Variants in OSBPL3 observed in about 807,000 individuals in gnomAD.
OSBPL3 encodes the protein oxysterol binding protein like 3.
A neutral mutation model predicts 120.1 loss-of-function variants in OSBPL3; 65 were observed. The observed-to-expected ratio is 0.54, with a 90% CI of 0.44 to 0.67. OSBPL3 has a LOEUF of 0.67. Among genes scored for constraint, OSBPL3 ranks in the 30% least tolerant of loss-of-function variants. The pLI is 0.00. For synonymous variants in OSBPL3, 416 were observed against 402.6 expected (o/e 1.03, Z -0.40); for missense variants, 1,004 against 1,082.1 (o/e 0.93, Z 1.01).
chr7:24,880,384 T>C (rs1024456), intron 2 of OSBPL3, among the ~76,000 whole-genome samples: 12,886 of 152,116 alleles, frequency 0.085, 824 homozygotes, highest in East Asian at 0.31. Context: ...CAGGGCCACC[T>C]ACTGACCCTC....
Position 24,815,908 on chromosome 7 carries a change from G to C in OSBPL3, c.2027+702C>G, listed in dbSNP as rs527846396. Among the ~76,000 whole-genome samples, 6 of 152,312 alleles carry C rather than the reference G, an allele frequency of 3.9e-5. No individual in the cohort carries two copies. In the South Asian group the frequency reaches 1.2e-3, roughly 32 times the overall value. On this transcript the variant is annotated intron_variant, in intron 18 of 22. Transcript: ENST00000313367. The surrounding 1 kb of genome is among the most constrained non-coding windows in gnomAD (Gnocchi z 5.1). Reference sequence around the variant, plus strand: ...TGAATCTCGGCAGTCCAGTTTCAGAGTCCCTGCTCAGAAGCATCTTGCTTT... The same window carrying C: ...TGAATCTCGGCAGTCCAGTTTCAGACTCCCTGCTCAGAAGCATCTTGCTTT...
rs374102664 is a variant in OSBPL3, at chr7:24,820,224, C to T, written c.1899G>A (p.Pro633=). 6.2e-6 allele frequency: 10 copies of T among 1,611,794 alleles called. No homozygotes were observed. Among genetic ancestry groups the T allele is most frequent in the Middle Eastern group, 1.6e-4 (1 of 6,082 alleles). Residue 633 remains proline, a synonymous_variant, in exon 17 of 23, where the codon CCG becomes CCA. Transcript: ENST00000313367. This position sits in a 1 kb window ranked among gnomAD's most constrained non-coding sequence, Gnocchi z 4.6. ...ACTCAGCATGACACGCAGAGATAGG[C>T]GGATGGTGGCTGACCTGATGGAAAC... ...QFFSEQVSHH[P]PISACHAESR...
At chr7:24,850,389 C>G (rs1798998053) in intron 11 of OSBPL3, among the ~76,000 whole-genome samples, 1 of 152,198 alleles carries the variant, frequency 6.6e-6, no homozygotes, top group South Asian at 2.1e-4. Context: ...ACGATCAGCT[C>G]CACGGGTGCT....
intron 19 of OSBPL3, among the ~76,000 whole-genome samples, chr7:24,811,052 G>T (rs1219227774): frequency 2.0e-5 from 3 of 152,214 alleles, no homozygotes; most frequent in Admixed American, 2.0e-4. Flanking sequence ...CCAGTAGTGG[G>T]ATTGGCAGAT....
chr7:24,807,575 CT>C (rs1193701857), intron 20 of OSBPL3, among the ~76,000 whole-genome samples: 1 of 152,084 alleles, frequency 6.6e-6, no homozygotes, highest in East Asian at 1.9e-4. Context: ...CTGATTCTCA[CT>C]CTAGAGAATC....
Position 24,940,545 on chromosome 7 carries a change from A to G in OSBPL3, c.-150+39341T>C, listed in dbSNP as rs1812958767. ...GTGAGAGAAAGCAGATGGGAAAGACAGGGGCCGTGATGGAGGAAAGGGTAT... is the reference window on the plus strand; with the variant it reads ...GTGAGAGAAAGCAGATGGGAAAGACGGGGGCCGTGATGGAGGAAAGGGTAT... On this transcript the variant is annotated intron_variant, in intron 1 of 22. Coordinates refer to ENST00000313367, the MANE Select transcript of OSBPL3 (RefSeq NM_015550.4). The surrounding 1 kb of genome is among the most constrained non-coding windows in gnomAD (Gnocchi z 4.4). 6.6e-6 allele frequency among the ~76,000 whole-genome samples: 1 copy of G among 152,164 alleles called. No individual in the cohort carries two copies. The highest frequency in any genetic ancestry group is 2.4e-5 in the African/African-American group (1 of 41,446).
In OSBPL3 at chr7:24,953,575, G is replaced by T. The variant is rs893175059; in HGVS notation, c.-150+26311C>A. ...AATAGATCATCAGAAAAAGAATTAG[G>T]CACATTAGGAAGCAGTCAGATTGTA... On this transcript the variant is annotated intron_variant, in intron 1 of 22. Transcript: ENST00000313367. This position sits in a 1 kb window ranked among gnomAD's most constrained non-coding sequence, Gnocchi z 4.3. 1.3e-5 allele frequency among the ~76,000 whole-genome samples: 2 copies of T among 152,076 alleles called. No homozygotes were observed. The highest frequency in any genetic ancestry group is 4.8e-5 in the African/African-American group (2 of 41,380).
At chr7:24,807,416 C>T (rs143251675) in intron 20 of OSBPL3, among the ~76,000 whole-genome samples, 2,210 of 152,194 alleles carry the variant, frequency 0.015, 23 homozygotes, top group Middle Eastern at 0.044. Flanking sequence ...TGACTTGAAC[C>T]TGGGAGGCGG....
At chr7:24,911,322 T>C (rs1004573149) in intron 1 of OSBPL3, among the ~76,000 whole-genome samples, 1 of 152,212 alleles carries the variant, frequency 6.6e-6, no homozygotes, top group Non-Finnish European at 1.5e-5. Context: ...GGAAGCTTGG[T>C]AGAGTTTTAA....
rs1234392994 is a variant in OSBPL3 at position 24,900,989 on chromosome 7, C to A, written c.-149-8368G>T. On this transcript the variant is annotated intron_variant, in intron 1 of 22. Transcript: ENST00000313367. This position sits in a 1 kb window ranked among gnomAD's most constrained non-coding sequence, Gnocchi z 4.5. ...TGAGCTGAGGTTTTGCCACTGCACT[C>A]CAGCCTGGGCTACAGAGCCAGACCT... Among the ~76,000 whole-genome samples, 1 of 150,174 alleles carries A rather than the reference C, an allele frequency of 6.7e-6. No individual in the cohort carries two copies.
In OSBPL3 at chr7:24,804,960, C is replaced by T. The variant is rs375456930; in HGVS notation, c.2445-523G>A. ...TTAATAGCCACATAATATCCAGTTG[C>T]GTGGATGTATATGAATTTAGACAAT... On this transcript the variant is annotated intron_variant, in intron 21 of 22. Coordinates refer to ENST00000313367, the MANE Select transcript of OSBPL3 (RefSeq NM_015550.4). This position sits in a 1 kb window ranked among gnomAD's most constrained non-coding sequence, Gnocchi z 5.4. 3.9e-5 allele frequency among the ~76,000 whole-genome samples: 6 copies of T among 152,094 alleles called. No homozygotes were observed. The highest frequency in any genetic ancestry group is 9.7e-5 in the African/African-American group (4 of 41,412).
intron 1 of OSBPL3, among the ~76,000 whole-genome samples, chr7:24,977,685 T>C (rs933266078): frequency 2.0e-5 from 3 of 152,020 alleles, no homozygotes; most frequent in Non-Finnish European, 2.9e-5. Flanking sequence ...TGAAACCCCG[T>C]CTCTACTAAA....
intron 1 of OSBPL3, among the ~76,000 whole-genome samples, chr7:24,927,557 T>C (rs544229121): frequency 2.0e-5 from 3 of 152,336 alleles, no homozygotes; most frequent in Admixed American, 6.5e-5. Flanking sequence ...GATTACTGCT[T>C]AAGTTGGCAA....
At position 24,815,099 on chromosome 7, in the gene OSBPL3, A is replaced by G. The variant is rs1417985181; in HGVS notation, c.2132T>C (p.Leu711Pro). 6.2e-7 allele frequency: 1 copy of G among 1,613,974 alleles called. No individual in the cohort carries two copies. ...EHYGEIVIKN[L>P]HDDSCYCKVN... ...TTTGCAGTAGCAGGAATCATCATGC[A>G]GGTTCTTGATGACAATCTCTCCATA... The change falls in exon 19 of 23, where the codon CTG becomes CCG. Residue 711 changes from leucine to proline, a missense_variant. Around this residue, in one of 4 missense-constraint regions of OSBPL3, gnomAD observed 473 missense variants for 568.0 expected, o/e 0.83. Coordinates refer to ENST00000313367, the MANE Select transcript of OSBPL3 (RefSeq NM_015550.4). This position sits in a 1 kb window ranked among gnomAD's most constrained non-coding sequence, Gnocchi z 5.1.
In OSBPL3 at chr7:24,953,948, T is replaced by G. The variant is rs999406423; in HGVS notation, c.-150+25938A>C. ...ATGATCAACAGTCTGGAACACTTTC[T>G]CAATCACCAGATGAACCTTAGAACA... On this transcript the variant is annotated intron_variant, in intron 1 of 22. Transcript: ENST00000313367. This position sits in a 1 kb window ranked among gnomAD's most constrained non-coding sequence, Gnocchi z 4.3. Among the ~76,000 whole-genome samples the G allele has an allele frequency of 5.9e-5, 9 of 152,284 alleles. 1 individual carries two copies. The highest frequency in any genetic ancestry group is 3.4e-3 in the Middle Eastern group (1 of 294).
At chr7:24,931,666 T>G (rs1272116637) in intron 1 of OSBPL3, among the ~76,000 whole-genome samples, 2 of 137,130 alleles carry the variant, frequency 1.5e-5, no homozygotes, top group Non-Finnish European at 3.1e-5. Context: ...AAAATTGTGT[T>G]AGTTTAAGTC....
intron 22 of OSBPL3, among the ~76,000 whole-genome samples, chr7:24,800,645 C>T (rs934299629): frequency 7.9e-5 from 12 of 151,648 alleles, no homozygotes; most frequent in South Asian, 6.3e-4. Flanking sequence ...TTAGTAGAGA[C>T]GGGGTTTCAC....
At chr7:24,826,272 T>C (rs1197854932) in intron 16 of OSBPL3, among the ~76,000 whole-genome samples, 1 of 152,142 alleles carries the variant, frequency 6.6e-6, no homozygotes, top group East Asian at 1.9e-4. Context: ...AACCGATTTT[T>C]TGGCACAAAG....
chr7:24,981,084 C>T (rs1397929606), upstream of OSBPL3, among the ~76,000 whole-genome samples: 2 of 152,080 alleles, frequency 1.3e-5, no homozygotes, highest in African/African-American at 4.8e-5. This position sits in a 1 kb window ranked among gnomAD's most constrained non-coding sequence, Gnocchi z 7.3. Context: ...GAGAAAGGCG[C>T]ACCAGGCTCC....
Sources: gnomAD v4.1 joint callset for allele counts (sites outside exome capture counted in the v4.1 genomes callset) on GRCh38, gnomAD v4.1.1 for gene constraint, gnomAD v4.1.1 regional missense constraint, Gnocchi (gnomAD v3.1) non-coding constraint, MANE v1.5 for transcripts, NCBI Gene and HGNC (gene_info 2026-07-23, HGNC 2026-07-21) for gene names.